Variants in TEX14 observed in about 807,000 individuals in gnomAD.
The protein encoded by TEX14 is testis expressed 14, intercellular bridge forming factor.
TEX14 carries 168 observed loss-of-function variants against 178.6 expected under a neutral mutation model. The ratio of observed to expected loss-of-function variants is 0.94; its 90% confidence interval spans 0.83 to 1.07. TEX14 has a LOEUF of 1.07. Ranked by LOEUF, TEX14 falls within the 50% of genes least tolerant of loss-of-function variation. The pLI, the probability that TEX14 is intolerant of heterozygous loss-of-function variation, is 0.00. For synonymous variants in TEX14, 626 were observed against 634.1 expected (o/e 0.99, Z 0.19); for missense variants, 1,730 against 1,753.6 (o/e 0.99, Z 0.24).
At chr17:58,641,001 T>A (rs1186580317) in intron 2 of TEX14, among the ~76,000 whole-genome samples, 2 of 152,148 alleles carry the variant, frequency 1.3e-5, no homozygotes, top group Admixed American at 1.3e-4. Context: ...ATTATAGGCA[T>A]GAGCCACCAT....
intron 2 of TEX14, among the ~76,000 whole-genome samples, chr17:58,640,621 G>A (rs1463133015): frequency 2.5e-5 from 3 of 119,810 alleles, no homozygotes; most frequent in Non-Finnish European, 5.1e-5. Context: ...TAGTGTGTGT[G>A]TGTGTGTGTG....
chr17:58,679,958 T>C (rs1339351142), intron 1 of TEX14, among the ~76,000 whole-genome samples: 1 of 152,166 alleles, frequency 6.6e-6, no homozygotes, highest in East Asian at 1.9e-4. Context: ...CCTTTCCTAG[T>C]ATGCTTGGTG....
At chr17:58,584,674 C>A in intron 18 of TEX14, 74 bp from the exon 19 acceptor site, 3 of 1,229,532 alleles carry the variant, frequency 2.4e-6, no homozygotes, top group Non-Finnish European at 3.6e-6. Context: ...ATAAAGGTGG[C>A]ATGAAAGAAG....
At chr17:58,586,607 T>A (rs1409615377) in intron 17 of TEX14, among the ~76,000 whole-genome samples, 1 of 152,166 alleles carries the variant, frequency 6.6e-6, no homozygotes, top group Non-Finnish European at 1.5e-5. Context: ...ATACAAAGAA[T>A]AATGCCCACA....
intron 5 of TEX14, 80 bp downstream of exon 5, chr17:58,621,570 G>A: frequency 6.9e-7 from 1 of 1,450,508 alleles, no homozygotes; most frequent in Non-Finnish European, 9.4e-7. Context: ...TGGAGGAGCT[G>A]AGGCAACCCA....
chr17:58,621,801 A>G lies in TEX14; in HGVS notation c.418-15T>C, dbSNP rs777209103. ...AACTCCACTATCTGCAAAACATCGC[A>G]GAGATGCCCAGTGCGGGCGCACCAG... On this transcript the variant is annotated splice_polypyrimidine_tract_variant and intron_variant, in intron 4 of 31. Transcript: ENST00000349033. 3 of 1,609,098 alleles carry G rather than the reference A, an allele frequency of 1.9e-6. No homozygotes were observed. The highest frequency in any genetic ancestry group is 2.2e-5 in the East Asian group (1 of 44,844).
intron 2 of TEX14, among the ~76,000 whole-genome samples, chr17:58,651,476 G>C (rs1027085239): frequency 2.0e-5 from 3 of 152,302 alleles, no homozygotes; most frequent in East Asian, 3.9e-4. Flanking sequence ...AAGGCACCAA[G>C]TGGAAATAAG....
At chr17:58,678,083 GA>G (rs2047424285) in intron 1 of TEX14, among the ~76,000 whole-genome samples, 1 of 152,220 alleles carries the variant, frequency 6.6e-6, no homozygotes, top group African/African-American at 2.4e-5. Context: ...CTGGTAGGCA[GA>G]GGTTGCAGTG....
At chr17:58,619,064 C>T (rs1442584422) in intron 5 of TEX14, among the ~76,000 whole-genome samples, 2 of 152,154 alleles carry the variant, frequency 1.3e-5, no homozygotes, top group African/African-American at 2.4e-5. Flanking sequence ...GACAGTGGAC[C>T]GTTTCTTGCC....
intron 1 of TEX14, among the ~76,000 whole-genome samples, chr17:58,691,500 C>CTAA (rs909161519): frequency 6.6e-6 from 1 of 151,708 alleles, no homozygotes; most frequent in Admixed American, 6.6e-5. Flanking sequence ...AACCCCTTCT[C>CTAA]TAATAATAAT....
intron 13 of TEX14, among the ~76,000 whole-genome samples, chr17:58,600,661 C>T (rs1425398785): frequency 6.6e-6 from 1 of 152,004 alleles, no homozygotes; most frequent in Non-Finnish European, 1.5e-5. Flanking sequence ...CCACCCACCA[C>T]CCCTGGTTTA....
At chr17:58,637,181 A>G (rs1008202360) in intron 2 of TEX14, among the ~76,000 whole-genome samples, 2 of 152,182 alleles carry the variant, frequency 1.3e-5, no homozygotes, top group Non-Finnish European at 2.9e-5. Context: ...TGAGCGTGCC[A>G]TTGCACTCCA....
chr17:58,590,556 T>TTGTTGTTGC (rs2045107560), intron 15 of TEX14, among the ~76,000 whole-genome samples: 1 of 151,898 alleles, frequency 6.6e-6, no homozygotes, highest in South Asian at 2.1e-4. Context: ...GTTGTTGTTG[T>TTGTTGTTGC]TGTTGTTGTT....
intron 6 of TEX14, among the ~76,000 whole-genome samples, chr17:58,616,628 C>G (rs2045879879): frequency 6.6e-6 from 1 of 151,932 alleles, no homozygotes; most frequent in Non-Finnish European, 1.5e-5. Context: ...GGGCTTTTGC[C>G]ATGTTGGCTG....
chr17:58,657,322 T>C (rs1445394690), intron 1 of TEX14, among the ~76,000 whole-genome samples: 2 of 151,822 alleles, frequency 1.3e-5, no homozygotes, highest in African/African-American at 2.4e-5. Flanking sequence ...GTTCTTGTCT[T>C]GTCTGTGTGT....
chr17:58,665,487 C>T (rs2047187694), intron 1 of TEX14, among the ~76,000 whole-genome samples: 1 of 151,920 alleles, frequency 6.6e-6, no homozygotes. Flanking sequence ...AGTCCAGCTA[C>T]TCTGAGGCTG....
intron 1 of TEX14, among the ~76,000 whole-genome samples, chr17:58,679,171 A>AG (rs753994940): frequency 3.0e-4 from 45 of 152,276 alleles, no homozygotes; most frequent in Non-Finnish European, 5.1e-4. Flanking sequence ...AAGAAAAAAA[A>AG]CAGAAGGACT....
chr17:58,631,648 A>AG (rs1234296794), intron 2 of TEX14: 2 of 151,306 alleles, frequency 1.3e-5, no homozygotes, highest in Non-Finnish European at 2.9e-5. Context: ...AGAACTACTC[A>AG]GACTGCCTTC....
intron 6 of TEX14, among the ~76,000 whole-genome samples, chr17:58,616,704 G>A (rs1279449108): frequency 1.3e-5 from 2 of 152,092 alleles, no homozygotes; most frequent in Non-Finnish European, 1.5e-5. Flanking sequence ...GATTATAGGC[G>A]TGAGCCACCA....
Sources: gnomAD v4.1 joint callset for allele counts (sites outside exome capture counted in the v4.1 genomes callset) on GRCh38, gnomAD v4.1.1 for gene constraint, MANE v1.5 for transcripts, NCBI Gene and HGNC (gene_info 2026-07-23, HGNC 2026-07-21) for gene names.